Variants in FSD1L observed in about 807,000 individuals in gnomAD.
The protein encoded by FSD1L is fibronectin type III and SPRY domain containing 1 like.
FSD1L carries 45 observed loss-of-function variants against 71.6 expected under a neutral mutation model. That is an observed-to-expected ratio of 0.63 (90% CI 0.49 to 0.81). The LOEUF is 0.81. Ranked by LOEUF, FSD1L falls within the 30% of genes least tolerant of loss-of-function variation. The pLI, the probability that FSD1L is intolerant of heterozygous loss-of-function variation, is 0.00. For synonymous variants in FSD1L, 197 were observed against 207.2 expected, an observed-to-expected ratio of 0.95 and a Z score of 0.42; for missense variants, 561 against 618.1, an observed-to-expected ratio of 0.91 and a Z score of 0.98.
chr9:105,487,750 C>T (rs919997758), intron 7 of FSD1L, among the ~76,000 whole-genome samples: 13 of 152,078 alleles, frequency 8.5e-5, no homozygotes, highest in African/African-American at 3.1e-4. Flanking sequence ...CAGTCAAATA[C>T]ATCACAATTT....
At chr9:105,457,346 G>A (rs1830420108) in intron 1 of FSD1L, among the ~76,000 whole-genome samples, 1 of 152,128 alleles carries the variant, frequency 6.6e-6, no homozygotes, top group African/African-American at 2.4e-5. Context: ...AGATCTTATA[G>A]GTCATGTTAA....
chr9:105,528,402 C>G, intron 10 of FSD1L, among the ~76,000 whole-genome samples: 1 of 152,110 alleles, frequency 6.6e-6, no homozygotes, highest in Middle Eastern at 3.2e-3. Context: ...GCTACAGTAA[C>G]CAAAACAGCA....
At position 105,515,691 on chromosome 9, in the gene FSD1L, T is replaced by C. The variant is rs79087361; in HGVS notation, c.1025+2755T>C. On this transcript the variant is annotated intron_variant, in intron 10 of 13. Transcript: ENST00000481272. ...TCCCACAGTCTTTACAACCTGCAGA[T>C]GAGGAGATCCCTTCTGGTGCCTACC... 9.2e-3 allele frequency among the ~76,000 whole-genome samples: 1,402 copies of C among 152,180 alleles called. 22 individuals are homozygous for C. Among genetic ancestry groups the C allele is most frequent in the African/African-American group, 0.032 (1,342 of 41,522 alleles).
At chr9:105,453,498 T>A (rs1018593195) in intron 1 of FSD1L, among the ~76,000 whole-genome samples, 2 of 152,134 alleles carry the variant, frequency 1.3e-5, no homozygotes, top group African/African-American at 2.4e-5. Flanking sequence ...TTATTTTGTG[T>A]GTGTGTGTGT....
At chr9:105,482,954 T>G (rs1264368390) in intron 6 of FSD1L, among the ~76,000 whole-genome samples, 1 of 152,232 alleles carries the variant, frequency 6.6e-6, no homozygotes, top group Non-Finnish European at 1.5e-5. Flanking sequence ...AGTGAGCATT[T>G]AGTAAGTACG....
chr9:105,466,675 A>G (rs1172828550), intron 3 of FSD1L, among the ~76,000 whole-genome samples: 2 of 147,974 alleles, frequency 1.4e-5, no homozygotes, highest in East Asian at 2.0e-4. Flanking sequence ...CCTGGGTGAT[A>G]GAGTGAGACT....
chr9:105,540,603 A>T (rs1267367617), intron 13 of FSD1L, among the ~76,000 whole-genome samples: 2 of 152,148 alleles, frequency 1.3e-5, no homozygotes, highest in Non-Finnish European at 2.9e-5. Context: ...TGAAGTAAGG[A>T]TCTAGATACG....
intron 10 of FSD1L, chr9:105,519,992 G>C: frequency 1.4e-6 from 2 of 1,385,376 alleles, no homozygotes; most frequent in Non-Finnish European, 1.9e-6. Context: ...GGGAGGAGTC[G>C]GCTCTGCCCT....
chr9:105,444,782 G>A (rs1053243193), upstream of FSD1L, among the ~76,000 whole-genome samples: 1 of 152,054 alleles, frequency 6.6e-6, no homozygotes, highest in African/African-American at 2.4e-5. Context: ...TCCTCTCCCC[G>A]ACCCCTTTTT....
chr9:105,501,581 C>G (rs1469560879), intron 7 of FSD1L, among the ~76,000 whole-genome samples: 2 of 147,582 alleles, frequency 1.4e-5, no homozygotes, highest in Non-Finnish European at 3.0e-5. Context: ...TGCCACCACA[C>G]CCAGCTAATT....
chr9:105,444,202 A>G (rs1829593771), upstream of FSD1L, among the ~76,000 whole-genome samples: 1 of 152,240 alleles, frequency 6.6e-6, no homozygotes, highest in Non-Finnish European at 1.5e-5. Flanking sequence ...TGAGTAAGAG[A>G]GTAATTATTA....
rs1381363925 is a variant in FSD1L at position 105,550,389 on chromosome 9, G to A, written c.*3906G>A. 6.6e-6 allele frequency: 1 copy of A among 151,952 alleles called. No homozygotes were observed. The highest frequency in any genetic ancestry group is 2.4e-5 in the African/African-American group (1 of 41,394). 9.4% of individuals were successfully genotyped at this position (151,952 alleles called of 1,614,324 possible). A position where few individuals can be genotyped will look rare whatever the true frequency, so the allele number is the denominator to read the frequency against. ...TGTATGGTCAACATATATTTACTCA[G>A]TATACAGATAACCACAAAGTTGTTA... is the stretch of plus-strand genomic sequence containing the variant. On this transcript the variant is annotated 3_prime_UTR_variant, in exon 14 of 14. Coordinates refer to ENST00000481272, the MANE Select transcript of FSD1L (RefSeq NM_001145313.3).
At chr9:105,452,669 G>GCCTGCCTGCCTTCCTTCCTT (rs1191519308) in intron 1 of FSD1L, among the ~76,000 whole-genome samples, 157 of 96,210 alleles carry the variant, frequency 1.6e-3, no homozygotes, top group African/African-American at 5.1e-3. Flanking sequence ...CTGCCTGCCT[G>GCCTGCCTGCCTTCCTTCCTT]CCTTCCTTCC....
rs1484642678 is a variant in FSD1L, at chr9:105,549,087, TAAATCCTTTGA to T, written c.*2607_*2617del. The T allele has an allele frequency of 6.6e-6, 1 of 152,126 alleles. No individual in the cohort carries two copies. Among genetic ancestry groups the T allele is most frequent in the Non-Finnish European group, 1.5e-5 (1 of 67,970 alleles). The allele number at this position is 152,126 out of a possible 1,614,324, so 9.4% of individuals were successfully genotyped here. A position where few individuals can be genotyped will look rare whatever the true frequency, so the allele number is the denominator to read the frequency against. ...CAATTTAATACATTGTAAAAAGTAT[TAAATCCTTTGA>T]AACATCTTTTGTTGCTTATTTAGTT... On this transcript the variant is annotated 3_prime_UTR_variant, in exon 14 of 14. Coordinates refer to ENST00000481272, the MANE Select transcript of FSD1L (RefSeq NM_001145313.3).
chr9:105,478,674 A>G (rs1193003161), intron 5 of FSD1L, among the ~76,000 whole-genome samples: 1 of 152,210 alleles, frequency 6.6e-6, no homozygotes, highest in Non-Finnish European at 1.5e-5. Context: ...CATAAAAAAA[A>G]AAGACAAAAG....
intron 12 of FSD1L, among the ~76,000 whole-genome samples, chr9:105,536,794 G>A (rs935993992): frequency 2.0e-5 from 3 of 151,982 alleles, no homozygotes; most frequent in Admixed American, 1.3e-4. Context: ...ATGCCACCAC[G>A]CCTGGCTAAT....
In FSD1L at chr9:105,448,084, G is replaced by A; in HGVS notation, c.-137G>A. 4 of 999,372 alleles carry A rather than the reference G, an allele frequency of 4.0e-6. No individual in the cohort carries two copies. The highest frequency in any genetic ancestry group is 2.2e-4 in the Middle Eastern group (1 of 4,642). 61.9% of individuals were successfully genotyped at this position (999,372 alleles called of 1,614,324 possible). On this transcript the variant is annotated 5_prime_UTR_variant, in exon 1 of 14. Transcript: ENST00000481272. ...ACTACGGCGCGCGCGGTCTGGGCGC[G>A]GACGGGTGGGGCCGGGCGGTGCCGG...
chr9:105,535,042 A>C, intron 11 of FSD1L, 25 bp from the exon 12 acceptor site: 3 of 1,550,850 alleles, frequency 1.9e-6, no homozygotes, highest in Non-Finnish European at 2.6e-6. Flanking sequence ...AGATGAGTCA[A>C]ATCTACCTTT....
At chr9:105,536,647 T>C (rs776936898) in intron 12 of FSD1L, among the ~76,000 whole-genome samples, 7 of 152,140 alleles carry the variant, frequency 4.6e-5, no homozygotes, top group Non-Finnish European at 1.0e-4. Context: ...TGTTTTGTTT[T>C]GTTTTTGAGA....
Sources: gnomAD v4.1 joint callset for allele counts (sites outside exome capture counted in the v4.1 genomes callset) on GRCh38, gnomAD v4.1.1 for gene constraint, MANE v1.5 for transcripts, NCBI Gene and HGNC (gene_info 2026-07-23, HGNC 2026-07-21) for gene names.